The following CEBPZ variants were observed in gnomAD, a reference collection of about 807,000 sequenced individuals.
CEBPZ encodes CCAAT enhancer binding protein zeta, also known as CCAAT/enhancer-binding protein zeta.
A neutral mutation model predicts 104.5 loss-of-function variants in CEBPZ; 78 were observed. The observed-to-expected ratio is 0.75, with a 90% CI of 0.62 to 0.90. The LOEUF (loss-of-function observed/expected upper bound fraction) is 0.90. Ranked by LOEUF, CEBPZ falls within the 40% of genes least tolerant of loss-of-function variation. The pLI is 0.00. For synonymous variants in CEBPZ, 470 were observed against 427.0 expected (o/e 1.10, Z -1.24); for missense variants, 1,439 against 1,233.5 (o/e 1.17, Z -2.50).
chr2:37,213,927 T>G lies in CEBPZ; in HGVS notation c.2482A>C (p.Lys828Gln), dbSNP rs756193790. Reference protein sequence around the residue: ...YKKVAVKEKQKRDADEESIED... With the variant: ...YKKVAVKEKQQRDADEESIED... The stretch of plus-strand genomic sequence containing the variant: ...ATACTTTCTTCATCTGCATCCCGTT[T>G]TTGTTTCTCTTTAACAGCAACTTTT... Residue 828 changes from lysine (K) to glutamine (Q), a missense_variant, in exon 10 of 16, where the codon AAA becomes CAA. Coordinates refer to ENST00000234170, the MANE Select transcript of CEBPZ (RefSeq NM_005760.3). The G allele has an allele frequency of 5.0e-6, 8 of 1,590,662 alleles. No homozygotes were observed. The highest frequency in any genetic ancestry group is 6.0e-6 in the Non-Finnish European group (7 of 1,172,908).
intron 6 of CEBPZ, among the ~76,000 whole-genome samples, chr2:37,216,733 T>G (rs1261379514): frequency 6.6e-6 from 1 of 152,200 alleles, no homozygotes; most frequent in East Asian, 1.9e-4. Context: ...GAGGCAGTAT[T>G]TCTCCAGGAG....
chr2:37,218,198 C>T (rs1054362916), intron 5 of CEBPZ, among the ~76,000 whole-genome samples: 1 of 151,306 alleles, frequency 6.6e-6, no homozygotes, highest in African/African-American at 2.4e-5. Flanking sequence ...ACCCGGGAGG[C>T]GGAGCTTGCA....
intron 1 of CEBPZ, 61 bp from the exon 2 acceptor site, chr2:37,229,097 A>G: frequency 7.6e-7 from 1 of 1,307,674 alleles, no homozygotes; most frequent in Middle Eastern, 1.9e-4. Flanking sequence ...CCATAAAATA[A>G]TAGGAAACAC....
At position 37,231,554 on chromosome 2, in the gene CEBPZ, T is replaced by A. The variant is rs780208745; in HGVS notation, c.14A>T (p.Lys5Met). 9.9e-6 allele frequency: 16 copies of A among 1,614,112 alleles called. No individual in the cohort carries two copies. Among genetic ancestry groups the A allele is most frequent in the Admixed American group, 1.7e-5 (1 of 60,014 alleles). MAAV[K>M]EPLEFHAKRP... ...CTTGGCATGGAACTCCAAAGGCTCC[T>A]TGACTGCGGCCATGGCGGGCAAAGC... Residue 5 changes from lysine to methionine, a missense_variant, in exon 1 of 16, where the codon AAG (lysine) becomes ATG (methionine). Physicochemically the swap from Lys to Met is moderately conservative, Grantham distance 95 (BLOSUM62 -1). Coordinates refer to ENST00000234170, the MANE Select transcript of CEBPZ (RefSeq NM_005760.3).
intron 1 of CEBPZ, 42 bp downstream of exon 1, chr2:37,231,370 T>G: frequency 3.1e-6 from 5 of 1,611,698 alleles, no homozygotes; most frequent in Non-Finnish European, 4.2e-6. Flanking sequence ...CCTTCGGAAC[T>G]CTCCACGCCT....
chr2:37,214,809 A>T, intron 9 of CEBPZ, 77 bp downstream of exon 9: 1 of 902,188 alleles, frequency 1.1e-6, no homozygotes, highest in South Asian at 1.5e-5. Flanking sequence ...ATTATTTCAT[A>T]AAATGAAGCA....
At chr2:37,213,625 G>A in intron 10 of CEBPZ, 1 of 360,852 alleles carries the variant, frequency 2.8e-6, no homozygotes, top group Non-Finnish European at 5.1e-6. Context: ...TATTGGCCAG[G>A]CTGGTCTCGA....
intron 13 of CEBPZ, among the ~76,000 whole-genome samples, chr2:37,206,927 T>A (rs1436269262): frequency 6.6e-6 from 1 of 152,052 alleles, no homozygotes; most frequent in Non-Finnish European, 1.5e-5. Context: ...ACATAAGGAC[T>A]CACATAAACT....
chr2:37,211,983 T>C lies in CEBPZ; in HGVS notation c.2660A>G (p.Glu887Gly). 1 of 1,612,562 alleles carries C rather than the reference T, an allele frequency of 6.2e-7. No homozygotes were observed. Among genetic ancestry groups the C allele is most frequent in the Non-Finnish European group, 8.5e-7 (1 of 1,179,572 alleles). Reference protein sequence around the residue: ...AKDNTLDEDSEGSDDELGNLD... With the variant: ...AKDNTLDEDSGGSDDELGNLD... ...GTTACCAAGTTCATCATCACTACCT[T>C]CTGAATCTTCATCTAATGTGTTATC... The change falls in exon 12 of 16, where the codon GAA becomes GGA. Residue 887 changes from glutamate to glycine, a missense_variant. By Grantham distance (98) the Glu-to-Gly change is moderately conservative. Transcript: ENST00000234170.
rs1664787930 is a variant in CEBPZ at position 37,222,294 on chromosome 2, TAAGTA to T, written c.2065+81_2065+85del. 3 of 1,173,660 alleles carry T rather than the reference TAAGTA, an allele frequency of 2.6e-6. No homozygotes were observed. In the South Asian group the frequency reaches 5.0e-5, roughly 20 times the overall value. 72.7% of individuals were successfully genotyped at this position (1,173,660 alleles called of 1,614,324 possible). On this transcript the variant is annotated intron_variant, in intron 4 of 15. Coordinates refer to ENST00000234170, the MANE Select transcript of CEBPZ (RefSeq NM_005760.3). ...GTGAGACTCTGTCTAAATAAATAAA[TAAGTA>T]AATAAAATGGTAGAATGCTATTTTC...
In CEBPZ at chr2:37,208,275, G is replaced by C. The variant is rs144017308; in HGVS notation, c.2884+2724C>G. ...CTATTCCAAAAGATAGGGAAAGAGG[G>C]AATCCTCCCTAAATCATTCAATGAA... is the stretch of plus-strand genomic sequence containing the variant. On this transcript the variant is annotated intron_variant, in intron 13 of 15. Transcript: ENST00000234170. Among the ~76,000 whole-genome samples the C allele has an allele frequency of 8.5e-3, 1,296 of 152,266 alleles. 24 individuals carry two copies. Among genetic ancestry groups the C allele is most frequent in the African/African-American group, 0.03 (1,243 of 41,550 alleles).
intron 6 of CEBPZ, among the ~76,000 whole-genome samples, 172 bp from the exon 7 acceptor site, chr2:37,216,590 CACAGAT>C (rs1677871775): frequency 6.6e-6 from 1 of 152,138 alleles, no homozygotes; most frequent in South Asian, 2.1e-4. Flanking sequence ...AAATTAAACA[CACAGAT>C]ACATATACAT....
intron 15 of CEBPZ, chr2:37,202,496 T>G (rs897631070): frequency 3.7e-5 from 8 of 217,066 alleles, no homozygotes; most frequent in Admixed American, 1.1e-4. Context: ...AATACAAAAA[T>G]TAGCTGGGCG....
At chr2:37,206,947 G>A (rs141636719) in intron 13 of CEBPZ, among the ~76,000 whole-genome samples, 2,715 of 152,204 alleles carry the variant, frequency 0.018, 82 homozygotes, top group African/African-American at 0.062. Context: ...TTAAGGTAAA[G>A]GGGTGGGAAA....
chr2:37,226,583 T>C (rs1664892587), intron 2 of CEBPZ, among the ~76,000 whole-genome samples: 1 of 152,182 alleles, frequency 6.6e-6, no homozygotes, highest in Non-Finnish European at 1.5e-5. Context: ...CATGATAACA[T>C]GGGATGAATT....
At chr2:37,221,245 G>T (rs2148358422) in intron 4 of CEBPZ, among the ~76,000 whole-genome samples, 1 of 152,214 alleles carries the variant, frequency 6.6e-6, no homozygotes, top group South Asian at 2.1e-4. Flanking sequence ...GAGTTCAGGA[G>T]TTTGAGGCTG....
At chr2:37,213,105 TGTAA>T (rs1677779907) in intron 10 of CEBPZ, among the ~76,000 whole-genome samples, 2 of 152,084 alleles carry the variant, frequency 1.3e-5, no homozygotes, top group East Asian at 1.9e-4. Context: ...GTGAAATCAG[TGTAA>T]GTCTTTCCAA....
intron 10 of CEBPZ, chr2:37,213,393 A>G (rs978292689): frequency 1.3e-5 from 2 of 153,366 alleles, no homozygotes; most frequent in Admixed American, 6.5e-5. Flanking sequence ...GAATTACCAT[A>G]TATCATAAAA....
In CEBPZ at chr2:37,228,467, C is replaced by T. The variant is rs1203964379; in HGVS notation, c.726G>A (p.Gly242=). 1 of 1,614,086 alleles carries T rather than the reference C, an allele frequency of 6.2e-7. No homozygotes were observed. The highest frequency in any genetic ancestry group is 2.2e-5 in the East Asian group (1 of 44,904). Residue 242 remains glycine, a synonymous_variant, in exon 2 of 16, where the codon GGG becomes GGA. Coordinates refer to ENST00000234170, the MANE Select transcript of CEBPZ (RefSeq NM_005760.3). ...STWMKAIVSS[G]TLGDRMAAMI... ...TGGCTGCCATCCTGTCACCTAGTGT[C>T]CCCGATGACACAATTGCCTTCATCC... is the stretch of plus-strand genomic sequence containing the variant.
Sources: gnomAD v4.1 joint callset for allele counts (sites outside exome capture counted in the v4.1 genomes callset) on GRCh38, gnomAD v4.1.1 for gene constraint, MANE v1.5 for transcripts, NCBI Gene and HGNC (gene_info 2026-07-23, HGNC 2026-07-21) for gene names.